The following UBTD1 variants were observed in gnomAD, a reference collection of about 807,000 sequenced individuals.
UBTD1 encodes ubiquitin domain-containing protein 1.
UBTD1 carries 19 observed loss-of-function variants against 21.7 expected under a neutral mutation model. That is an observed-to-expected ratio of 0.87 (90% CI 0.61 to 1.28). UBTD1 has a LOEUF of 1.28. Ranked by LOEUF, UBTD1 falls within the 50% of genes most tolerant of loss-of-function variation. The pLI is 0.00. For synonymous variants in UBTD1, 116 were observed against 135.1 expected (o/e 0.86, Z 0.98); for missense variants, 282 against 315.1 (o/e 0.89, Z 0.80).
At chr10:97,500,736 A>C (rs2040372031) in intron 1 of UBTD1, among the ~76,000 whole-genome samples, 1 of 151,984 alleles carries the variant, frequency 6.6e-6, no homozygotes, top group Non-Finnish European at 1.5e-5. Context: ...GCTGGTGCTT[A>C]AGTTTGACAT....
chr10:97,565,934 G>A (rs990908448), intron 1 of UBTD1, among the ~76,000 whole-genome samples: 3 of 151,914 alleles, frequency 2.0e-5, no homozygotes, highest in Non-Finnish European at 4.4e-5. Context: ...GGCTGATCTC[G>A]AATTCCTGGG....
At chr10:97,520,127 G>C (rs2040460881) in intron 1 of UBTD1, among the ~76,000 whole-genome samples, 1 of 152,208 alleles carries the variant, frequency 6.6e-6, no homozygotes, top group African/African-American at 2.4e-5. Context: ...CTGTTACATA[G>C]ATGGTGGTAG....
At chr10:97,569,063 T>C (rs2040732351) in intron 2 of UBTD1, among the ~76,000 whole-genome samples, 2 of 152,220 alleles carry the variant, frequency 1.3e-5, no homozygotes, top group Non-Finnish European at 2.9e-5. Context: ...CTGCAGGTGA[T>C]CCGCCCGCCT....
intron 1 of UBTD1, among the ~76,000 whole-genome samples, chr10:97,511,161 C>G (rs555187504): frequency 6.6e-6 from 1 of 152,322 alleles, no homozygotes; most frequent in Admixed American, 6.5e-5. Flanking sequence ...TACCTAGATT[C>G]AAAATTGCTG....
chr10:97,516,406 C>T (rs2040444406), intron 1 of UBTD1, among the ~76,000 whole-genome samples: 1 of 152,240 alleles, frequency 6.6e-6, no homozygotes, highest in Non-Finnish European at 1.5e-5. Flanking sequence ...GGGTCACAGG[C>T]AGCCAGTGAG....
chr10:97,501,569 G>A (rs955204582), intron 1 of UBTD1, among the ~76,000 whole-genome samples: 5 of 152,186 alleles, frequency 3.3e-5, no homozygotes, highest in African/African-American at 1.2e-4. Flanking sequence ...CTCCAGCCTG[G>A]GTGACAGAGC....
intron 1 of UBTD1, among the ~76,000 whole-genome samples, chr10:97,527,128 C>T (rs535839713): frequency 1.8e-4 from 26 of 146,878 alleles, no homozygotes; most frequent in African/African-American, 5.4e-4. Flanking sequence ...CAAGATCGTG[C>T]CACTGCACTC....
intron 1 of UBTD1, among the ~76,000 whole-genome samples, chr10:97,544,061 C>T (rs2040598082): frequency 6.6e-6 from 1 of 152,070 alleles, no homozygotes; most frequent in East Asian, 1.9e-4. Context: ...GCAGGCAGAT[C>T]ACCTGAGGTC....
At chr10:97,553,421 G>A (rs1464431741) in intron 1 of UBTD1, among the ~76,000 whole-genome samples, 2 of 152,188 alleles carry the variant, frequency 1.3e-5, no homozygotes, top group South Asian at 4.1e-4. Flanking sequence ...GTGAGCCACC[G>A]CGGCCAGCCA....
At chr10:97,502,318 C>G (rs2040379848) in intron 1 of UBTD1, among the ~76,000 whole-genome samples, 1 of 152,088 alleles carries the variant, frequency 6.6e-6, no homozygotes, top group African/African-American at 2.4e-5. Context: ...GGAAGGAATC[C>G]TTCTTAACTC....
intron 1 of UBTD1, among the ~76,000 whole-genome samples, chr10:97,527,256 G>A (rs543665717): frequency 6.9e-6 from 1 of 144,146 alleles, no homozygotes; most frequent in East Asian, 2.2e-4. Context: ...GGAGGCCAAC[G>A]CAGGAGGATC....
At chr10:97,525,613 C>G (rs7895702) in intron 1 of UBTD1, among the ~76,000 whole-genome samples, 58,959 of 152,074 alleles carry the variant, frequency 0.39, 12,426 homozygotes, top group Non-Finnish European at 0.47. Flanking sequence ...TCACTTCTCC[C>G]TCCACTGGCC....
At chr10:97,537,675 G>A (rs933767222) in intron 1 of UBTD1, among the ~76,000 whole-genome samples, 1 of 152,126 alleles carries the variant, frequency 6.6e-6, no homozygotes, top group African/African-American at 2.4e-5. Context: ...CCAGCCAGCC[G>A]GAGCCTATTT....
intron 1 of UBTD1, among the ~76,000 whole-genome samples, chr10:97,521,864 G>A (rs545803759): frequency 6.6e-6 from 1 of 152,370 alleles, no homozygotes; most frequent in Non-Finnish European, 1.5e-5. Context: ...TTGTGCTGCT[G>A]TTGTCAAGTA....
At chr10:97,499,301 C>A in intron 1 of UBTD1, 28 bp downstream of exon 1, 1 of 1,543,104 alleles carries the variant, frequency 6.5e-7, no homozygotes, top group Non-Finnish European at 8.8e-7. Context: ...AGCAGGGCCT[C>A]GGGCATCCCG....
chr10:97,506,095 TC>T, intron 1 of UBTD1, among the ~76,000 whole-genome samples: 1 of 152,236 alleles, frequency 6.6e-6, no homozygotes, highest in South Asian at 2.1e-4. Context: ...CACAAAAGGT[TC>T]TTTCTCTCAA....
intron 1 of UBTD1, among the ~76,000 whole-genome samples, chr10:97,535,577 T>G (rs1301923334): frequency 6.6e-6 from 1 of 151,966 alleles, no homozygotes; most frequent in Non-Finnish European, 1.5e-5. Context: ...ATTGAGCCAC[T>G]GCACTCCAGC....
At chr10:97,499,951 T>G (rs1489334009) in intron 1 of UBTD1, among the ~76,000 whole-genome samples, 1 of 152,164 alleles carries the variant, frequency 6.6e-6, no homozygotes, top group East Asian at 1.9e-4. Flanking sequence ...TTTCTCACTT[T>G]CATGGTACAC....
intron 1 of UBTD1, among the ~76,000 whole-genome samples, chr10:97,528,139 C>T (rs1344712348): frequency 7.8e-6 from 1 of 128,002 alleles, no homozygotes; most frequent in East Asian, 2.7e-4. Flanking sequence ...ACCCCCCCAC[C>T]TCCCTCCCGG....
Sources: gnomAD v4.1 joint callset for allele counts (sites outside exome capture counted in the v4.1 genomes callset) on GRCh38, gnomAD v4.1.1 for gene constraint, MANE v1.5 for transcripts, NCBI Gene and HGNC (gene_info 2026-07-23, HGNC 2026-07-21) for gene names.